GULP1: variants seen among roughly 807,000 people sequenced by gnomAD.
GULP1 encodes the protein GULP PTB domain containing engulfment adaptor 1, also known as PTB domain-containing engulfment adapter protein 1.
In GULP1, 19 loss-of-function variants were observed where a neutral mutation model predicts 40.9. The ratio of observed to expected loss-of-function variants is 0.46; its 90% CI spans 0.32 to 0.68. GULP1 has a LOEUF of 0.68. Among genes scored for constraint, GULP1 ranks in the 30% least tolerant of loss-of-function variants. The pLI is 0.03. For missense variants in GULP1, 312 were observed against 362.2 expected (o/e 0.86, Z 1.12); for synonymous variants, 119 against 117.6 (o/e 1.01, Z -0.08).
chr2:188,514,082 T>TGCGC lies in GULP1; in HGVS notation c.91-8673_91-8670dup, dbSNP rs1553577811. 4.7e-4 allele frequency among the ~76,000 whole-genome samples: 70 copies of TGCGC among 149,346 alleles called. 1 individual carries two copies. Among genetic ancestry groups the TGCGC allele is most frequent in the Admixed American group, 3.3e-3 (50 of 14,962 alleles). ...GTGTGTGTGTGTGTGTGTGTGTGTG[T>TGCGC]GCGCCCTGCCACTGGGTGGCGTCCT... On this transcript the variant is annotated intron_variant, in intron 4 of 11. Coordinates refer to ENST00000409830, the MANE Select transcript of GULP1 (RefSeq NM_016315.4).
At chr2:188,371,066 G>A (rs867990594) in intron 1 of GULP1, among the ~76,000 whole-genome samples, 1 of 152,094 alleles carries the variant, frequency 6.6e-6, no homozygotes, top group Non-Finnish European at 1.5e-5. Flanking sequence ...CAGTAAGTCC[G>A]TGGTTGCTGT....
At chr2:188,408,011 T>C (rs2053356646) in intron 2 of GULP1, among the ~76,000 whole-genome samples, 1 of 152,180 alleles carries the variant, frequency 6.6e-6, no homozygotes, top group African/African-American at 2.4e-5. Flanking sequence ...TTTGAAAATG[T>C]CCCCCAAATT....
chr2:188,493,433 T>C (rs1218816587), intron 4 of GULP1, among the ~76,000 whole-genome samples: 3 of 152,084 alleles, frequency 2.0e-5, no homozygotes, highest in East Asian at 1.9e-4. Context: ...TCCTGTTCCA[T>C]TGTTCCTCTG....
chr2:188,418,409 A>G (rs2054879535), intron 2 of GULP1, among the ~76,000 whole-genome samples: 1 of 152,152 alleles, frequency 6.6e-6, no homozygotes, highest in Non-Finnish European at 1.5e-5. Context: ...AGGTGGCCGG[A>G]TCCCCTGAGG....
intron 11 of GULP1, chr2:188,592,858 A>G (rs941483276): frequency 2.0e-5 from 3 of 152,116 alleles, no homozygotes; most frequent in Non-Finnish European, 4.4e-5. Flanking sequence ...TAAAACACCC[A>G]AAGCAGAGGT....
chr2:188,553,782 G>T (rs1190022813), intron 7 of GULP1, among the ~76,000 whole-genome samples: 6 of 151,942 alleles, frequency 3.9e-5, no homozygotes, highest in African/African-American at 1.4e-4. Flanking sequence ...ATCTAGTCCC[G>T]AGCTTTTCTT....
intron 2 of GULP1, among the ~76,000 whole-genome samples, chr2:188,443,910 C>T (rs2152881522): frequency 6.6e-6 from 1 of 152,086 alleles, no homozygotes; most frequent in East Asian, 1.9e-4. Context: ...AGTAGTAATT[C>T]TCATCATATT....
At chr2:188,480,897 T>A (rs143182727) in intron 3 of GULP1, among the ~76,000 whole-genome samples, 310 of 152,050 alleles carry the variant, frequency 2.0e-3, no homozygotes, top group Admixed American at 0.011. Context: ...CTTTCTTTTT[T>A]AACAAACATT....
At chr2:188,566,115 A>C (rs1697593754) in intron 7 of GULP1, among the ~76,000 whole-genome samples, 1 of 152,086 alleles carries the variant, frequency 6.6e-6, no homozygotes, top group African/African-American at 2.4e-5. Context: ...ATGATTCATA[A>C]ATTTATCATG....
intron 2 of GULP1, among the ~76,000 whole-genome samples, chr2:188,462,954 ACTT>A (rs1347275886): frequency 6.6e-6 from 1 of 152,018 alleles, no homozygotes; most frequent in African/African-American, 2.4e-5. Flanking sequence ...TTTTGTTACT[ACTT>A]ATATCTTATT....
chr2:188,529,156 A>C lies in GULP1; in HGVS notation c.222A>C (p.Ile74=). 1 of 1,588,534 alleles carries C rather than the reference A, an allele frequency of 6.3e-7. No individual in the cohort carries two copies. Among genetic ancestry groups the C allele is most frequent in the East Asian group, 2.2e-5 (1 of 44,484 alleles). The change falls in exon 6 of 12, where the codon ATA becomes ATC. Residue 74 remains isoleucine (I), a synonymous_variant. Transcript: ENST00000409830. ...GQKIPKVELQ[I]SIYGVKILEP... ...AAATTCCTAAAGTGGAGTTGCAAAT[A>C]TCAATTTATGGAGTAAAAATTCTAG...
At chr2:188,566,691 G>C (rs1401814669) in intron 7 of GULP1, among the ~76,000 whole-genome samples, 1 of 149,014 alleles carries the variant, frequency 6.7e-6, no homozygotes, top group African/African-American at 2.5e-5. Context: ...AGCTACTCAG[G>C]AAGCTGAGAC....
At chr2:188,566,665 G>A (rs1468960016) in intron 7 of GULP1, among the ~76,000 whole-genome samples, 1 of 151,438 alleles carries the variant, frequency 6.6e-6, no homozygotes, top group Admixed American at 6.6e-5. Context: ...GTGTGGTGGT[G>A]CGTGCCTGTA....
At chr2:188,421,154 T>C (rs1406024931) in intron 2 of GULP1, among the ~76,000 whole-genome samples, 1 of 152,142 alleles carries the variant, frequency 6.6e-6, no homozygotes, top group South Asian at 2.1e-4. Context: ...TGTAGAAAAC[T>C]TAAACACTCC....
chr2:188,299,772 G>A (rs2035798989), intron 1 of GULP1, among the ~76,000 whole-genome samples: 1 of 152,160 alleles, frequency 6.6e-6, no homozygotes, highest in Admixed American at 6.5e-5. Flanking sequence ...CAGTGTGAAG[G>A]GAAGCAGTGT....
chr2:188,556,388 G>C (rs553146974), intron 7 of GULP1, among the ~76,000 whole-genome samples: 1 of 151,738 alleles, frequency 6.6e-6, no homozygotes, highest in South Asian at 2.1e-4. Flanking sequence ...TTTCTCTTTC[G>C]TTCTTCTAAA....
At chr2:188,514,573 A>G (rs1410476960) in intron 4 of GULP1, among the ~76,000 whole-genome samples, 1 of 152,260 alleles carries the variant, frequency 6.6e-6, no homozygotes, top group African/African-American at 2.4e-5. Context: ...GTGAAAAATA[A>G]CACTGAATCT....
At chr2:188,492,684 A>T (rs1428996504) in intron 4 of GULP1, among the ~76,000 whole-genome samples, 1 of 152,026 alleles carries the variant, frequency 6.6e-6, no homozygotes, top group Non-Finnish European at 1.5e-5. Context: ...ATACTATTTT[A>T]AAATAACGTT....
intron 2 of GULP1, among the ~76,000 whole-genome samples, chr2:188,384,780 G>C (rs534897696): frequency 3.7e-4 from 56 of 152,152 alleles, no homozygotes; most frequent in Non-Finnish European, 6.5e-4. Context: ...GGGGCTACAG[G>C]CCCCACGCTG....
Sources: allele counts gnomAD v4.1 joint callset (sites outside exome capture counted in the v4.1 genomes callset), GRCh38; gene constraint gnomAD v4.1.1; transcripts MANE v1.5; gene names NCBI Gene and HGNC (gene_info 2026-07-23, HGNC 2026-07-21).